SIRT7: variants seen among roughly 807,000 people sequenced by gnomAD.
The protein encoded by SIRT7 is NAD-dependent protein deacetylase sirtuin-7.
A neutral mutation model predicts 42.8 loss-of-function variants in SIRT7; 32 were observed. That is an observed-to-expected ratio of 0.75 (90% CI 0.56 to 1.00). The LOEUF (loss-of-function observed/expected upper bound fraction) is 1.00. Among genes scored for constraint, SIRT7 ranks in the 50% least tolerant of loss-of-function variants. SIRT7 has a pLI of 0.00. For missense variants in SIRT7, 553 were observed against 572.2 expected, an observed-to-expected ratio of 0.97 and a Z score of 0.34; for synonymous variants, 297 against 245.2, an observed-to-expected ratio of 1.21 and a Z score of -1.97.
In SIRT7 at chr17:81,915,601, G is replaced by A. The variant is rs1392792918; in HGVS notation, c.407+10C>T. 1 of 1,613,738 alleles carries A rather than the reference G, an allele frequency of 6.2e-7. No homozygotes were observed. Among genetic ancestry groups the A allele is most frequent in the Non-Finnish European group, 8.5e-7 (1 of 1,179,920 alleles). ...CAGCCTATGTGGGAGGCCATGCCTG[G>A]CCCGCTTACCTAACGCTTCTCCCTT... On this transcript the variant is annotated intron_variant, in intron 4 of 9. Transcript: ENST00000328666.
chr17:81,914,717 G>A lies in SIRT7; in HGVS notation c.481-15C>T, dbSNP rs749828039. ...ACATGCTGCACCTGGAAGGCAGAAC[G>A]GGTGGCAAGGGGAGGGATGGCTGCC... On this transcript the variant is annotated splice_polypyrimidine_tract_variant and intron_variant, in intron 5 of 9. Transcript: ENST00000328666. 1.0e-5 allele frequency: 16 copies of A among 1,605,300 alleles called. No individual in the cohort carries two copies. Among genetic ancestry groups the A allele is most frequent in the East Asian group, 2.2e-5 (1 of 44,860 alleles).
At position 81,912,542 on chromosome 17, in the gene SIRT7, C is replaced by T. The variant is rs766215616; in HGVS notation, c.1077G>A (p.Ser359=). ...AGEEGSHSRK[S]LCRSREEAPP... is the part of the protein sequence containing the mutation. ...GGGCCTCCTCTCTGCTTCTGCACAG[C>T]GACTTCCGACTGTGGCTGCCTTCTT... is the stretch of plus-strand genomic sequence containing the variant. The change falls in exon 10 of 10, where the codon TCG becomes TCA. Residue 359 remains serine, a synonymous_variant. Coordinates refer to ENST00000328666, the MANE Select transcript of SIRT7 (RefSeq NM_016538.3). The T allele has an allele frequency of 5.6e-6, 9 of 1,613,582 alleles. No individual in the cohort carries two copies. The highest frequency in any genetic ancestry group is 4.5e-5 in the East Asian group (2 of 44,898).
intron 3 of SIRT7, chr17:81,917,238 G>A: frequency 5.8e-6 from 1 of 171,592 alleles, no homozygotes; most frequent in Non-Finnish European, 1.2e-5. Context: ...ACTTGTCAGT[G>A]AAACTTCTCA....
rs111929314 is a variant in SIRT7, at chr17:81,913,507, G to C, written c.1004+267C>G. Reference sequence around the variant, plus strand: ...CACCAGGCATCTCGGAGAGCTCCACGGGGAGGCCTGGAGCAGGAGCACGCG... The same window carrying C: ...CACCAGGCATCTCGGAGAGCTCCACCGGGAGGCCTGGAGCAGGAGCACGCG... On this transcript the variant is annotated intron_variant, in intron 9 of 9. Coordinates refer to ENST00000328666, the MANE Select transcript of SIRT7 (RefSeq NM_016538.3). This position sits in a 1 kb window ranked among gnomAD's most constrained non-coding sequence, Gnocchi z 5.0. 8.3e-6 allele frequency: 4 copies of C among 481,534 alleles called. No individual in the cohort carries two copies. The highest frequency in any genetic ancestry group is 1.5e-5 in the Non-Finnish European group (4 of 261,388). The allele number at this position is 481,534 out of a possible 1,614,324, so 29.8% of individuals were successfully genotyped here. A position where few individuals can be genotyped will look rare whatever the true frequency, so the allele number is the denominator to read the frequency against.
chr17:81,915,761 A>G (rs1457934761), intron 3 of SIRT7, 80 bp from the exon 4 acceptor site: 1 of 1,479,654 alleles, frequency 6.8e-7, no homozygotes, highest in Non-Finnish European at 9.3e-7. Context: ...ACGGAAAGCC[A>G]CTGTCACTCC....
intron 5 of SIRT7, 62 bp downstream of exon 5, chr17:81,915,375 CCCA>C: frequency 1.8e-5 from 28 of 1,550,602 alleles, no homozygotes; most frequent in Non-Finnish European, 2.5e-5. Context: ...CAGTTAGTTG[CCCA>C]CTGGGCACCA....
Position 81,914,087 on chromosome 17 carries a change from C to A in SIRT7, c.897G>T (p.Gln299His). 1 of 1,613,442 alleles carries A rather than the reference C, an allele frequency of 6.2e-7. No individual in the cohort carries two copies. ...RRPKLYIVNL[Q>H]WTPKDDWAAL... is the part of the protein sequence containing the mutation. ...ACGTGGCTCTCAGCACCCGAGTTAC[C>A]TGCAGGTTCACGATGTAAAGCTTCG... Residue 299 changes from glutamine to histidine, a missense_variant and splice_region_variant, in exon 8 of 10, where the codon CAG becomes CAT. Transcript: ENST00000328666.
chr17:81,914,080 G>A lies in SIRT7; in HGVS notation c.897+7C>T, dbSNP rs755785735. Reference sequence around the variant, plus strand: ...TCTAAGGACGTGGCTCTCAGCACCCGAGTTACCTGCAGGTTCACGATGTAA... The same window carrying A: ...TCTAAGGACGTGGCTCTCAGCACCCAAGTTACCTGCAGGTTCACGATGTAA... On this transcript the variant is annotated splice_region_variant and intron_variant, in intron 8 of 9. Coordinates refer to ENST00000328666, the MANE Select transcript of SIRT7 (RefSeq NM_016538.3). 10 of 1,613,238 alleles carry A rather than the reference G, an allele frequency of 6.2e-6. No individual in the cohort carries two copies. The highest frequency in any genetic ancestry group is 4.5e-5 in the East Asian group (2 of 44,904).
In SIRT7 at chr17:81,912,527, T is replaced by C; in HGVS notation, c.1092A>G (p.Arg364=). The C allele has an allele frequency of 6.2e-7, 1 of 1,613,802 alleles. No homozygotes were observed. The highest frequency in any genetic ancestry group is 1.3e-5 in the African/African-American group (1 of 75,052). The change falls in exon 10 of 10, where the codon AGA becomes AGG. Residue 364 remains arginine, a synonymous_variant. Transcript: ENST00000328666. ...CCCGGTCCCCAGGCGGGGCCTCCTC[T>C]CTGCTTCTGCACAGCGACTTCCGAC... ...SHSRKSLCRS[R]EEAPPGDRGA...
At chr17:81,914,990 C>T (rs905937828) in intron 5 of SIRT7, 7 of 521,730 alleles carry the variant, frequency 1.3e-5, no homozygotes, top group Non-Finnish European at 2.4e-5. Context: ...GGAAGTGGCT[C>T]GGGGTTTGGC....
chr17:81,915,088 A>C, intron 5 of SIRT7: 2 of 482,184 alleles, frequency 4.1e-6, no homozygotes, highest in East Asian at 3.9e-5. Context: ...ACTACACCCC[A>C]TTGGTTGAGG....
At position 81,913,838 on chromosome 17, in the gene SIRT7, T is replaced by G; in HGVS notation, c.940A>C (p.Lys314Gln). 6.4e-7 allele frequency: 1 copy of G among 1,550,772 alleles called. No individual in the cohort carries two copies. The change falls in exon 9 of 10, where the codon AAG becomes CAG. Residue 314 changes from lysine (K) to glutamine (Q), a missense_variant. Transcript: ENST00000328666. This position sits in a 1 kb window ranked among gnomAD's most constrained non-coding sequence, Gnocchi z 5.0. Reference sequence around the variant, plus strand: ...AGGAGCCGCATGACGTCATCACACTTCCCATGTAGCTTCAGGGCAGCCCAG... The same window carrying G: ...AGGAGCCGCATGACGTCATCACACTGCCCATGTAGCTTCAGGGCAGCCCAG... ...DDWAALKLHG[K>Q]CDDVMRLLMA...
intron 3 of SIRT7, chr17:81,916,322 C>CG (rs1555619141): frequency 3.3e-5 from 5 of 152,644 alleles, no homozygotes; most frequent in African/African-American, 7.2e-5. Context: ...ACCACCCCCC[C>CG]GGACAGTAGT....
intron 8 of SIRT7, 80 bp downstream of exon 8, chr17:81,914,007 T>A: frequency 6.3e-7 from 1 of 1,584,248 alleles, no homozygotes; most frequent in Non-Finnish European, 8.6e-7. Context: ...CAGACCGCCC[T>A]GGTGCATGGG....
chr17:81,915,829 C>CATGTTGGCCTCTATT, intron 3 of SIRT7, 148 bp from the exon 4 acceptor site: 1 of 858,254 alleles, frequency 1.2e-6, no homozygotes, highest in Non-Finnish European at 1.9e-6. Context: ...GGCTGACCTG[C>CATGTTGGCCTCTATT]CTGAGCCCAT....
At position 81,912,324 on chromosome 17, in the gene SIRT7, G is replaced by T. The variant is rs2040683444; in HGVS notation, c.*92C>A. ...ACGGTGAAAATGTCATCCCCAAAGA[G>T]TTCGTTCTCCCTAGACCCGTGGGGG... On this transcript the variant is annotated 3_prime_UTR_variant, in exon 10 of 10. Transcript: ENST00000328666. 8.1e-6 allele frequency: 12 copies of T among 1,487,492 alleles called. No homozygotes were observed. In the South Asian group the frequency reaches 1.2e-4, roughly 15 times the overall value. The allele number at this position is 1,487,492 out of a possible 1,614,324, so 92.1% of individuals were successfully genotyped here.
chr17:81,913,133 T>A lies in SIRT7; in HGVS notation c.1005-519A>T. The A allele has an allele frequency of 2.7e-6, 1 of 370,320 alleles. No individual in the cohort carries two copies. Among genetic ancestry groups the A allele is most frequent in the African/African-American group, 2.2e-5 (1 of 46,418 alleles). 22.9% of individuals were successfully genotyped at this position (370,320 alleles called of 1,614,324 possible). ...TACAGATACGCACTGATAAGGAAAA[T>A]GAGCTAAGTTAATGTAAAAAAAAAA... On this transcript the variant is annotated intron_variant, in intron 9 of 9. Transcript: ENST00000328666. The surrounding 1 kb of genome is among the most constrained non-coding windows in gnomAD (Gnocchi z 5.0).
At position 81,914,501 on chromosome 17, in the gene SIRT7, C is replaced by T; in HGVS notation, c.609G>A (p.Glu203=). Residue 203 remains glutamate, a synonymous_variant, in exon 7 of 10, where the codon GAG becomes GAA. Transcript: ENST00000328666. ...EVCTSCVPNR[E]YVRVFDVTER... ...CCGTCACATCGAACACCCGCACGTACTCCCTGTTGGGAACGCAGGAGGTAC... is the reference window on the plus strand; with the variant it reads ...CCGTCACATCGAACACCCGCACGTATTCCCTGTTGGGAACGCAGGAGGTAC... 1 of 1,613,246 alleles carries T rather than the reference C, an allele frequency of 6.2e-7. No individual in the cohort carries two copies. Among genetic ancestry groups the T allele is most frequent in the Non-Finnish European group, 8.5e-7 (1 of 1,180,016 alleles).
In SIRT7 at chr17:81,915,661, G is replaced by A; in HGVS notation, c.357C>T (p.Tyr119=). The A allele has an allele frequency of 2.5e-6, 4 of 1,613,926 alleles. No homozygotes were observed. The highest frequency in any genetic ancestry group is 3.4e-6 in the Non-Finnish European group (4 of 1,180,006). ...GISTAASIPD[Y]RGPNGVWTLL... ...GTGTCCACACTCCATTAGGGCCCCG[G>A]TAGTCTGGGATAGACGCTGCCTGCA... The change falls in exon 4 of 10, where the codon TAC becomes TAT. Residue 119 remains tyrosine, a synonymous_variant. Transcript: ENST00000328666.
Sources: allele counts gnomAD v4.1 joint callset, GRCh38; gene constraint gnomAD v4.1.1; non-coding constraint Gnocchi (gnomAD v3.1); transcripts MANE v1.5; gene names NCBI Gene and HGNC (gene_info 2026-07-23, HGNC 2026-07-21).